Variants in GSG1L observed in about 807,000 individuals in gnomAD.
The protein encoded by GSG1L is GSG1 like.
In GSG1L, 24 loss-of-function variants were observed where a neutral mutation model predicts 42.1. The ratio of observed to expected loss-of-function variants is 0.57; its 90% CI spans 0.41 to 0.80. The LOEUF is 0.80. GSG1L is among the 30% of genes least tolerant of loss of function. The probability of loss-of-function intolerance (pLI) is 0.00; values close to 1 mark genes in which losing one functional copy is unlikely to be tolerated. For synonymous variants in GSG1L, 215 were observed against 203.5 expected (o/e 1.06, Z -0.48); for missense variants, 445 against 472.2 (o/e 0.94, Z 0.53).
intron 2 of GSG1L, among the ~76,000 whole-genome samples, chr16:27,903,251 T>C (rs1267111263): frequency 6.6e-6 from 1 of 151,514 alleles, no homozygotes; most frequent in Non-Finnish European, 1.5e-5. Context: ...AGCAGGGAGT[T>C]GTGGGAAGCC....
intron 1 of GSG1L, among the ~76,000 whole-genome samples, chr16:27,970,074 G>T (rs1000555358): frequency 6.6e-6 from 1 of 151,996 alleles, no homozygotes; most frequent in African/African-American, 2.4e-5. Context: ...TTTATTATGG[G>T]TGATTAGTTC....
chr16:27,925,410 A>AG (rs1199529145), intron 2 of GSG1L, among the ~76,000 whole-genome samples: 1 of 152,110 alleles, frequency 6.6e-6, no homozygotes, highest in East Asian at 1.9e-4. Context: ...GAGGGGTGGA[A>AG]GGCGAGGCTA....
At chr16:28,044,343 AT>A (rs2086140478) in intron 1 of GSG1L, among the ~76,000 whole-genome samples, 1 of 152,210 alleles carries the variant, frequency 6.6e-6, no homozygotes, top group African/African-American at 2.4e-5. Context: ...GAAGGAAGAC[AT>A]TTTGGCAGCT....
intron 4 of GSG1L, among the ~76,000 whole-genome samples, chr16:27,834,121 T>G (rs2083298851): frequency 6.6e-6 from 1 of 152,164 alleles, no homozygotes; most frequent in Non-Finnish European, 1.5e-5. Flanking sequence ...TTATTCTGAA[T>G]TTTCTGAGAG....
chr16:27,979,696 A>AGAGAGAGAG (rs1567542876), intron 1 of GSG1L, among the ~76,000 whole-genome samples: 2 of 52,224 alleles, frequency 3.8e-5, no homozygotes, highest in Non-Finnish European at 8.3e-5. Flanking sequence ...AGAAGGAAGG[A>AGAGAGAGAG]AGGAAGGAAG....
chr16:27,907,886 C>T (rs1171070038), intron 2 of GSG1L, among the ~76,000 whole-genome samples: 2 of 152,198 alleles, frequency 1.3e-5, no homozygotes, highest in Non-Finnish European at 2.9e-5. Flanking sequence ...CCCATTGGCC[C>T]ACTCTTGCCC....
chr16:27,925,993 A>AGT (rs2084588060), intron 2 of GSG1L, among the ~76,000 whole-genome samples: 1 of 152,252 alleles, frequency 6.6e-6, no homozygotes, highest in South Asian at 2.1e-4. Flanking sequence ...TGAAATGGCG[A>AGT]GTACATGGTA....
intron 1 of GSG1L, among the ~76,000 whole-genome samples, chr16:28,054,544 G>A (rs550145804): frequency 6.6e-5 from 10 of 152,124 alleles, no homozygotes; most frequent in East Asian, 1.9e-4. Flanking sequence ...CAGGAGAATC[G>A]CTTAAACCCA....
intron 1 of GSG1L, among the ~76,000 whole-genome samples, chr16:27,992,829 G>A (rs1221309364): frequency 2.6e-5 from 4 of 152,098 alleles, no homozygotes; most frequent in Non-Finnish European, 5.9e-5. Flanking sequence ...AGGGCCTTGG[G>A]TGACTTGAGA....
intron 1 of GSG1L, among the ~76,000 whole-genome samples, chr16:27,969,181 C>A (rs12444993): frequency 0.26 from 39,211 of 152,044 alleles, 5,405 homozygotes; most frequent in East Asian, 0.49. Context: ...ATACTGTTAG[C>A]ATATTCACCA....
At chr16:27,988,753 G>GAAAAA (rs34644311) in intron 1 of GSG1L, among the ~76,000 whole-genome samples, 1 of 142,970 alleles carries the variant, frequency 7.0e-6, no homozygotes, top group Non-Finnish European at 1.5e-5. Context: ...CTGCAATTAA[G>GAAAAA]AAAAAAAAAA....
At chr16:27,900,449 C>T (rs2084243512) in intron 2 of GSG1L, among the ~76,000 whole-genome samples, 1 of 152,222 alleles carries the variant, frequency 6.6e-6, no homozygotes, top group Non-Finnish European at 1.5e-5. Context: ...GTCAGCCCAG[C>T]TCCCATGGCA....
intron 1 of GSG1L, among the ~76,000 whole-genome samples, chr16:28,031,006 G>A (rs1596715407): frequency 7.3e-6 from 1 of 136,574 alleles, no homozygotes. Context: ...GATAAGATGG[G>A]ATGGGAGGGA....
chr16:28,037,649 A>G (rs1057301630), intron 1 of GSG1L, among the ~76,000 whole-genome samples: 1 of 152,246 alleles, frequency 6.6e-6, no homozygotes, highest in African/African-American at 2.4e-5. Context: ...CAACAATAGC[A>G]GCAGCAACAA....
intron 2 of GSG1L, among the ~76,000 whole-genome samples, chr16:27,948,611 T>TC (rs1248471555): frequency 5.5e-5 from 7 of 127,528 alleles, no homozygotes; most frequent in South Asian, 4.8e-4. Flanking sequence ...TTCTTCTTCT[T>TC]TTTTTTTTTT....
Position 27,807,557 on chromosome 16 carries a change from G to A in GSG1L, c.831-3C>T. 1 of 1,609,054 alleles carries A rather than the reference G, an allele frequency of 6.2e-7. No individual in the cohort carries two copies. Among genetic ancestry groups the A allele is most frequent in the Non-Finnish European group, 8.5e-7 (1 of 1,179,264 alleles). ...CGCTCCCGTCCCTCTTCTCCATCCT[G>A]GAAAGAAAAAAAAACAAAAACAAAA... On this transcript the variant is annotated splice_polypyrimidine_tract_variant and splice_region_variant and intron_variant, in intron 5 of 6. Transcript: ENST00000447459.
intron 2 of GSG1L, among the ~76,000 whole-genome samples, chr16:27,893,315 C>G (rs2084151253): frequency 6.6e-6 from 1 of 152,150 alleles, no homozygotes; most frequent in East Asian, 1.9e-4. Context: ...TGGATCCCTC[C>G]CTTGCTGAGA....
chr16:27,791,270 GCACACA>G lies in GSG1L; in HGVS notation c.*94_*99del. Reference sequence around the variant, plus strand: ...CCCACGCAGGCTGACTGAGTTCACGGCACACAGGCCAGGGTTCTGGGGGCACCACTC... The same window carrying G: ...CCCACGCAGGCTGACTGAGTTCACGGGGCCAGGGTTCTGGGGGCACCACTC... On this transcript the variant is annotated 3_prime_UTR_variant, in exon 7 of 7. Coordinates refer to ENST00000447459, the MANE Select transcript of GSG1L (RefSeq NM_001109763.2). The G allele has an allele frequency of 5.4e-6, 4 of 734,914 alleles. No individual in the cohort carries two copies. Among genetic ancestry groups the G allele is most frequent in the Non-Finnish European group, 8.1e-6 (4 of 493,250 alleles). The allele number at this position is 734,914 out of a possible 1,614,324, so 45.5% of individuals were successfully genotyped here.
intron 1 of GSG1L, among the ~76,000 whole-genome samples, chr16:28,022,888 T>C (rs1055856560): frequency 1.3e-5 from 2 of 152,120 alleles, no homozygotes; most frequent in South Asian, 4.1e-4. Flanking sequence ...GCCAGGCTGG[T>C]CTTGAACTCC....
Sources: allele counts gnomAD v4.1 joint callset (sites outside exome capture counted in the v4.1 genomes callset), GRCh38; gene constraint gnomAD v4.1.1; transcripts MANE v1.5; gene names NCBI Gene and HGNC (gene_info 2026-07-23, HGNC 2026-07-21).